The following GLI3 variants were observed in gnomAD, a reference collection of about 807,000 sequenced individuals.
GLI3 encodes the protein transcription activator GLI3.
A neutral mutation model predicts 100.8 loss-of-function variants in GLI3; 20 were observed. The observed-to-expected ratio is 0.20, with a 90% CI of 0.14 to 0.29. The LOEUF (loss-of-function observed/expected upper bound fraction) is 0.29. Ranked by LOEUF, GLI3 falls within the 10% of genes least tolerant of loss-of-function variation. The pLI is 1.00. For synonymous variants in GLI3, 938 were observed against 860.5 expected, an observed-to-expected ratio of 1.09 and a Z score of -1.58; for missense variants, 2,040 against 2,128.5, an observed-to-expected ratio of 0.96 and a Z score of 0.82.
chr7:42,226,048 G>A (rs1043443267), intron 1 of GLI3, among the ~76,000 whole-genome samples: 4 of 152,092 alleles, frequency 2.6e-5, no homozygotes, highest in Non-Finnish European at 5.9e-5. Flanking sequence ...TCAGTGTTTC[G>A]TTGAAAACTG....
chr7:42,053,019 A>G (rs891310943), intron 4 of GLI3, among the ~76,000 whole-genome samples: 1 of 152,120 alleles, frequency 6.6e-6, no homozygotes, highest in East Asian at 1.9e-4. Flanking sequence ...TTCGAGACAG[A>G]GTTTCACTCT....
rs141327852 is a variant in GLI3, at chr7:41,972,958, TTGA to T, written c.1813-334_1813-332del. Reference sequence around the variant, plus strand: ...GCCATAATAGGCACTCAATAGATATTTGATGATGATGATGATGATGATGACGAT... The same window carrying T: ...GCCATAATAGGCACTCAATAGATATTTGATGATGATGATGATGATGACGAT... On this transcript the variant is annotated intron_variant, in intron 12 of 14. Transcript: ENST00000395925. This position sits in a 1 kb window ranked among gnomAD's most constrained non-coding sequence, Gnocchi z 4.4. Among the ~76,000 whole-genome samples the T allele has an allele frequency of 8.6e-5, 13 of 151,912 alleles. No homozygotes were observed. The highest frequency in any genetic ancestry group is 5.8e-4 in the East Asian group (3 of 5,178).
intron 2 of GLI3, among the ~76,000 whole-genome samples, chr7:42,202,466 T>G (rs987329338): frequency 6.6e-6 from 1 of 151,902 alleles, no homozygotes; most frequent in Non-Finnish European, 1.5e-5. Flanking sequence ...AAGACAGCAA[T>G]TCCACTAAAA....
chr7:42,262,121 A>G (rs1384256951), intron 1 of GLI3, among the ~76,000 whole-genome samples: 1 of 149,812 alleles, frequency 6.7e-6, no homozygotes, highest in Non-Finnish European at 1.5e-5. Flanking sequence ...GCAGAGGTGC[A>G]AACACGGTTC....
intron 7 of GLI3, among the ~76,000 whole-genome samples, chr7:42,037,929 T>C (rs1784051420): frequency 1.3e-5 from 2 of 152,212 alleles, no homozygotes; most frequent in Admixed American, 1.3e-4. Flanking sequence ...ATCATGACCA[T>C]TTCTATACCA....
rs192316587 is a variant in GLI3 at position 42,220,681 on chromosome 7, A to G, written c.124+2449T>C. On this transcript the variant is annotated intron_variant, in intron 2 of 14. Coordinates refer to ENST00000395925, the MANE Select transcript of GLI3 (RefSeq NM_000168.6). Reference sequence around the variant, plus strand: ...AGGACTCTGTAAAAAAGACCATGGTAATTATTAGCATCACATACACAAAGA... The same window carrying G: ...AGGACTCTGTAAAAAAGACCATGGTGATTATTAGCATCACATACACAAAGA... 3.9e-5 allele frequency among the ~76,000 whole-genome samples: 6 copies of G among 152,350 alleles called. No homozygotes were observed. The East Asian group carries it at 1.2e-3, about 29-fold the overall frequency.
intron 2 of GLI3, chr7:42,172,646 C>T (rs766145561): frequency 1.0e-5 from 7 of 702,970 alleles, no homozygotes; most frequent in South Asian, 8.9e-5. Context: ...TGCATCCAAT[C>T]CTCCTGGTCC....
chr7:42,200,178 G>C (rs1174506670), intron 2 of GLI3, among the ~76,000 whole-genome samples: 2 of 152,228 alleles, frequency 1.3e-5, no homozygotes, highest in African/African-American at 4.8e-5. Context: ...TTCCGTCATG[G>C]AGGTCACGGA....
chr7:42,126,972 C>T (rs1264886602), intron 3 of GLI3, among the ~76,000 whole-genome samples: 1 of 152,196 alleles, frequency 6.6e-6, no homozygotes, highest in Non-Finnish European at 1.5e-5. Context: ...CAGTCCACAG[C>T]CAGCCCCTGA....
intron 2 of GLI3, among the ~76,000 whole-genome samples, chr7:42,174,643 G>T (rs1214542984): frequency 2.0e-5 from 3 of 152,106 alleles, no homozygotes; most frequent in Admixed American, 6.6e-5. Context: ...GCACATTTCG[G>T]TTCACAAAAG....
At chr7:42,191,878 G>T (rs940812354) in intron 2 of GLI3, among the ~76,000 whole-genome samples, 1 of 152,054 alleles carries the variant, frequency 6.6e-6, no homozygotes, top group Admixed American at 6.6e-5. Flanking sequence ...GGTTCTGGCA[G>T]TGTGAATGCA....
At position 42,153,277 on chromosome 7, in the gene GLI3, T is replaced by A. The variant is rs576039841; in HGVS notation, c.125-4809A>T. Reference sequence around the variant, plus strand: ...GTCTCCCTGATCAGAGCTTACGTCCTATTTCTGGTATTTCGGAATACTTCT... The same window carrying A: ...GTCTCCCTGATCAGAGCTTACGTCCAATTTCTGGTATTTCGGAATACTTCT... On this transcript the variant is annotated intron_variant, in intron 2 of 14. Transcript: ENST00000395925. Among the ~76,000 whole-genome samples the A allele has an allele frequency of 2.0e-5, 3 of 152,334 alleles. No homozygotes were observed. In the South Asian group the frequency reaches 6.2e-4, roughly 32 times the overall value.
intron 12 of GLI3, among the ~76,000 whole-genome samples, chr7:41,975,018 T>C (rs1787473004): frequency 6.6e-6 from 1 of 152,188 alleles, no homozygotes; most frequent in Non-Finnish European, 1.5e-5. Flanking sequence ...CAAGTCTCCC[T>C]ATAGGAAAGA....
chr7:42,063,033 T>C (rs1784602564), intron 4 of GLI3, among the ~76,000 whole-genome samples: 1 of 152,294 alleles, frequency 6.6e-6, no homozygotes, highest in East Asian at 1.9e-4. Context: ...GCCTGTGCTA[T>C]GCATCTGCAC....
At chr7:42,132,109 A>G (rs1028449294) in intron 3 of GLI3, among the ~76,000 whole-genome samples, 3 of 151,530 alleles carry the variant, frequency 2.0e-5, no homozygotes, top group Non-Finnish European at 4.4e-5. Context: ...TCATTTATTT[A>G]TTTATTTTTG....
intron 3 of GLI3, among the ~76,000 whole-genome samples, chr7:42,096,258 T>G (rs1785335994): frequency 6.6e-6 from 1 of 152,118 alleles, no homozygotes; most frequent in African/African-American, 2.4e-5. Flanking sequence ...GGAGGAAGAA[T>G]GAAGTGAGAA....
chr7:42,262,192 T>C (rs1789149248), intron 1 of GLI3, among the ~76,000 whole-genome samples: 1 of 48,684 alleles, frequency 2.1e-5, no homozygotes, highest in Admixed American at 2.4e-4. Context: ...CTTTCTTTTA[T>C]TTTTTTTCCT....
intron 3 of GLI3, chr7:42,118,414 T>G (rs28516533): frequency 0.16 from 63,293 of 397,672 alleles, 7,419 homozygotes; most frequent in African/African-American, 0.44. Flanking sequence ...AAAGTGGCAG[T>G]GCCATGACTC....
chr7:42,202,080 C>CAA (rs35682171), intron 2 of GLI3, among the ~76,000 whole-genome samples: 963 of 92,022 alleles, frequency 0.01, 30 homozygotes, highest in East Asian at 0.097. Context: ...GACTCCGTCT[C>CAA]AAAAAAAAAA....
Sources: allele counts gnomAD v4.1 joint callset (sites outside exome capture counted in the v4.1 genomes callset), GRCh38; gene constraint gnomAD v4.1.1; non-coding constraint Gnocchi (gnomAD v3.1); transcripts MANE v1.5; gene names NCBI Gene and HGNC (gene_info 2026-07-23, HGNC 2026-07-21).